The following MACROD2 variants were observed in gnomAD, a reference collection of about 807,000 sequenced individuals.
The protein encoded by MACROD2 is ADP-ribose glycohydrolase MACROD2.
In MACROD2, 36 loss-of-function variants were observed where a neutral mutation model predicts 70.4. The observed-to-expected ratio is 0.51, with a 90% confidence interval of 0.39 to 0.68. The LOEUF (loss-of-function observed/expected upper bound fraction) is 0.68, where lower values mean the gene tolerates loss of function less well. MACROD2 is among the 30% of genes least tolerant of loss of function. The pLI, the probability that MACROD2 is intolerant of heterozygous loss-of-function variation, is 0.00. For missense variants in MACROD2, 496 were observed against 538.4 expected, an observed-to-expected ratio of 0.92 and a Z score of 0.78; for synonymous variants, 172 against 178.8, an observed-to-expected ratio of 0.96 and a Z score of 0.30.
chr20:14,915,519 G>T (rs1384892176), intron 5 of MACROD2, among the ~76,000 whole-genome samples: 1 of 152,108 alleles, frequency 6.6e-6, no homozygotes. Context: ...TGGTCCTGTT[G>T]CTCCTGTCAG....
intron 6 of MACROD2, among the ~76,000 whole-genome samples, chr20:15,374,538 T>C (rs1395858306): frequency 1.3e-5 from 2 of 152,150 alleles, no homozygotes; most frequent in Non-Finnish European, 2.9e-5. Context: ...AACACAGCTT[T>C]CCTTGGTGCC....
intron 8 of MACROD2, among the ~76,000 whole-genome samples, chr20:15,524,209 G>A (rs1272352271): frequency 6.6e-6 from 1 of 151,982 alleles, no homozygotes; most frequent in African/African-American, 2.4e-5. Flanking sequence ...GACAAGTGGT[G>A]CCAGGCTCTC....
chr20:15,444,179 T>C (rs2046532077), intron 7 of MACROD2, among the ~76,000 whole-genome samples: 1 of 152,198 alleles, frequency 6.6e-6, no homozygotes. Flanking sequence ...TGTGATCTTT[T>C]GTGACTACTT....
intron 5 of MACROD2, among the ~76,000 whole-genome samples, chr20:15,055,101 C>A (rs539274351): frequency 6.6e-6 from 1 of 152,078 alleles, no homozygotes; most frequent in Non-Finnish European, 1.5e-5. Flanking sequence ...AGGCGCCTTC[C>A]ACCACACCCA....
At chr20:14,820,357 C>CTTTTTTTTTTTTTTTTT (rs11475238) in intron 5 of MACROD2, among the ~76,000 whole-genome samples, 51 of 116,130 alleles carry the variant, frequency 4.4e-4, no homozygotes, top group Non-Finnish European at 6.6e-4. Flanking sequence ...ATTTTTCTTC[C>CTTTTTTTTTTTTTTTTT]TTTTTTTTTT....
At chr20:15,734,340 A>G (rs1411629515) in intron 8 of MACROD2, among the ~76,000 whole-genome samples, 5 of 152,102 alleles carry the variant, frequency 3.3e-5, no homozygotes, top group Admixed American at 3.3e-4. Context: ...GGATCAGACA[A>G]TTTTCCAGTG....
chr20:15,963,372 C>T (rs1249900332), intron 12 of MACROD2, among the ~76,000 whole-genome samples: 2 of 152,228 alleles, frequency 1.3e-5, no homozygotes, highest in Middle Eastern at 3.4e-3. Context: ...TTACTCGGTG[C>T]GTTTTTTAGA....
At chr20:14,277,219 G>T (rs770907947) in intron 3 of MACROD2, among the ~76,000 whole-genome samples, 5 of 152,202 alleles carry the variant, frequency 3.3e-5, no homozygotes, top group Non-Finnish European at 7.3e-5. Context: ...GGAGGCTGAG[G>T]GGGGCGGATC....
At chr20:15,927,626 G>A (rs1326004930) in intron 10 of MACROD2, among the ~76,000 whole-genome samples, 1 of 152,136 alleles carries the variant, frequency 6.6e-6, no homozygotes, top group Non-Finnish European at 1.5e-5. Flanking sequence ...TCTGTAGGAA[G>A]CGGCAGCTAT....
intron 8 of MACROD2, among the ~76,000 whole-genome samples, chr20:15,765,909 T>A (rs1171470526): frequency 1.6e-5 from 1 of 61,246 alleles, no homozygotes; most frequent in East Asian, 2.7e-4. Flanking sequence ...TGCATATACT[T>A]TTTGTTTTTG....
At chr20:14,869,603 T>G (rs1231010290) in intron 5 of MACROD2, among the ~76,000 whole-genome samples, 1 of 152,166 alleles carries the variant, frequency 6.6e-6, no homozygotes, top group East Asian at 1.9e-4. Context: ...AATCTTCTTG[T>G]TGATGAAATT....
At chr20:15,765,838 A>G (rs985902557) in intron 8 of MACROD2, among the ~76,000 whole-genome samples, 2 of 152,326 alleles carry the variant, frequency 1.3e-5, no homozygotes, top group African/African-American at 2.4e-5. Flanking sequence ...TGCAATGACA[A>G]TCTATACAAT....
At chr20:15,003,676 T>G (rs1485014107) in intron 5 of MACROD2, among the ~76,000 whole-genome samples, 2 of 152,294 alleles carry the variant, frequency 1.3e-5, no homozygotes, top group Non-Finnish European at 1.5e-5. Context: ...TGGGCTATAG[T>G]TTAAATGATA....
At chr20:15,233,508 T>A (rs980483322) in intron 6 of MACROD2, among the ~76,000 whole-genome samples, 3 of 152,142 alleles carry the variant, frequency 2.0e-5, no homozygotes, top group African/African-American at 7.2e-5. Context: ...AGAAATAAGA[T>A]ACTGATTTGG....
intron 5 of MACROD2, among the ~76,000 whole-genome samples, chr20:15,124,042 T>A (rs1307338876): frequency 6.6e-6 from 1 of 152,182 alleles, no homozygotes; most frequent in Non-Finnish European, 1.5e-5. Context: ...TACTGATTAT[T>A]TTCTGTGTTT....
intron 5 of MACROD2, among the ~76,000 whole-genome samples, chr20:15,116,801 C>CA (rs1472526034): frequency 2.0e-5 from 3 of 152,104 alleles, no homozygotes; most frequent in Admixed American, 6.6e-5. Flanking sequence ...AGCTTCTGGT[C>CA]AACAGCAGGC....
At chr20:14,131,189 T>A (rs1879311426) in intron 3 of MACROD2, among the ~76,000 whole-genome samples, 2 of 152,214 alleles carry the variant, frequency 1.3e-5, no homozygotes, top group African/African-American at 4.8e-5. Flanking sequence ...GATAATGACT[T>A]CTTTAAATGT....
At chr20:15,479,711 A>G (rs6043313) in intron 7 of MACROD2, among the ~76,000 whole-genome samples, 5,674 of 152,290 alleles carry the variant, frequency 0.037, 353 homozygotes, top group African/African-American at 0.12. Flanking sequence ...CCTTCAAAAC[A>G]TATTTACGAT....
chr20:14,975,817 G>A lies in MACROD2; in HGVS notation c.419-254123G>A, dbSNP rs184818073. 2.1e-3 allele frequency among the ~76,000 whole-genome samples: 314 copies of A among 152,244 alleles called. 1 individual carries two copies. Among genetic ancestry groups the A allele is most frequent in the Middle Eastern group, 3.4e-3 (1 of 294 alleles). On this transcript the variant is annotated intron_variant, in intron 5 of 17. Coordinates refer to ENST00000684519, the MANE Select transcript of MACROD2 (RefSeq NM_001351661.2). Reference sequence around the variant, plus strand: ...GTTGTATTTGAACCTGAGCTGAAGCGGAGTGAGAACATTCCAGTGAGCAAA... The same window carrying A: ...GTTGTATTTGAACCTGAGCTGAAGCAGAGTGAGAACATTCCAGTGAGCAAA...
Sources: gnomAD v4.1 joint callset for allele counts (sites outside exome capture counted in the v4.1 genomes callset) on GRCh38, gnomAD v4.1.1 for gene constraint, MANE v1.5 for transcripts, NCBI Gene and HGNC (gene_info 2026-07-23, HGNC 2026-07-21) for gene names.